Variants in ZNF75D observed in about 807,000 individuals in gnomAD.
ZNF75D encodes the protein zinc finger protein 75D, also known as zinc finger protein 75.
Under a neutral mutation model 33.3 loss-of-function variants are expected in ZNF75D, and 33 were observed. The ratio of observed to expected loss-of-function variants is 0.99; its 90% CI spans 0.75 to 1.32. The LOEUF (loss-of-function observed/expected upper bound fraction) is 1.32. Ranked by LOEUF, ZNF75D falls within the 40% of genes most tolerant of loss-of-function variation. The pLI, the probability that ZNF75D is intolerant of heterozygous loss-of-function variation, is 0.00. For synonymous variants in ZNF75D, 113 were observed against 130.6 expected, an observed-to-expected ratio of 0.87 and a Z score of 0.92; for missense variants, 338 against 367.5, an observed-to-expected ratio of 0.92 and a Z score of 0.66.
In ZNF75D at chrX:135,343,884, G is replaced by C. The variant is rs1206110138; in HGVS notation, c.-2507C>G. The C allele has an allele frequency of 8.9e-6, 1 of 111,957 alleles. No homozygotes were observed. Among genetic ancestry groups the C allele is most frequent in the Non-Finnish European group, 1.9e-5 (1 of 53,210 alleles). The allele number at this position is 111,957 out of a possible 1,213,427, so 9.2% of individuals were successfully genotyped here. A position where few individuals can be genotyped will look rare whatever the true frequency, so the allele number is the denominator to read the frequency against. ...GCCTCACTGGGCTTGGGACGCTGCA[G>C]CTCCTGTCCCCGTTTCGCTTCTACC... On this transcript the variant is annotated 5_prime_UTR_variant, in exon 1 of 7. Transcript: ENST00000370766.
downstream of ZNF75D, among the ~76,000 whole-genome samples, chrX:135,281,252 A>G (rs1383827215): frequency 1.6e-4 from 17 of 108,491 alleles, no homozygotes; most frequent in African/African-American, 5.7e-4. Context: ...AATCTCTGAT[A>G]TCCTTTCTTC....
intron 1 of ZNF75D, among the ~76,000 whole-genome samples, chrX:135,326,819 G>A (rs1556438083): frequency 2.7e-5 from 3 of 110,755 alleles, no homozygotes; most frequent in Admixed American, 9.5e-5. Flanking sequence ...CTGAGCCCGC[G>A]AGACCACGAA....
chrX:135,285,686 T>C, downstream of ZNF75D: 1 of 112,194 alleles, frequency 8.9e-6, no homozygotes, highest in South Asian at 3.8e-4. Context: ...GTAGGAATTA[T>C]AATCCTCATT....
chrX:135,287,454 A>C lies in ZNF75D; in HGVS notation c.1216T>G (p.Ser406Ala). 1 of 1,211,231 alleles carries C rather than the reference A, an allele frequency of 8.3e-7. No homozygotes were observed. Among genetic ancestry groups the C allele is most frequent in the South Asian group, 1.8e-5 (1 of 56,866 alleles). ...QQCDRRFRWS[S>A]DLNKHFMTHQ... Reference sequence around the variant, plus strand: ...GTCATGAAGTGCTTATTAAGATCTGAACTCCATCTAAACCTCCTGTCACAT... The same window carrying C: ...GTCATGAAGTGCTTATTAAGATCTGCACTCCATCTAAACCTCCTGTCACAT... The change falls in exon 7 of 7, where the codon TCA (serine) becomes GCA (alanine). Residue 406 changes from serine to alanine, a missense_variant. Coordinates refer to ENST00000370766, the MANE Select transcript of ZNF75D (RefSeq NM_007131.5).
At chrX:135,276,507 T>C (rs2083899711) in intron 1 of ZNF75D, among the ~76,000 whole-genome samples, 1 of 111,787 alleles carries the variant, frequency 8.9e-6, no homozygotes. Flanking sequence ...TTTTAAATTA[T>C]ACTTTAAGTT....
rs782540291 is a variant in ZNF75D at position 135,302,614 on chromosome X, A to G, written c.-390-6575T>C. On this transcript the variant is annotated intron_variant, in intron 1 of 6. Coordinates refer to ENST00000370766, the MANE Select transcript of ZNF75D (RefSeq NM_007131.5). ...CTTATTACCACAAAGAGTGCATTCA[A>G]TTAGCCTTGTGATCTCTATTTGAAC... Among the ~76,000 whole-genome samples the G allele has an allele frequency of 4.2e-4, 47 of 112,644 alleles. 2 individuals are homozygous for G. In the South Asian group the frequency reaches 0.017, roughly 40 times the overall value.
intron 1 of ZNF75D, among the ~76,000 whole-genome samples, chrX:135,265,264 A>C (rs1191143700): frequency 1.8e-5 from 2 of 111,463 alleles, no homozygotes; most frequent in African/African-American, 6.5e-5. Context: ...GGATGTAGAA[A>C]GAGAGACAGG....
chrX:135,266,304 T>C (rs888845639), intron 1 of ZNF75D, among the ~76,000 whole-genome samples: 1 of 111,854 alleles, frequency 8.9e-6, no homozygotes. Flanking sequence ...GTAAATTGGC[T>C]AAACTCTTCA....
intron 1 of ZNF75D, among the ~76,000 whole-genome samples, chrX:135,326,743 C>T (rs1602654590): frequency 9.0e-6 from 1 of 110,994 alleles, no homozygotes. Context: ...CCGGGAGGAA[C>T]GAACAACTCC....
At chrX:135,295,527 G>A (rs1462800188) in intron 2 of ZNF75D, among the ~76,000 whole-genome samples, 1 of 112,064 alleles carries the variant, frequency 8.9e-6, no homozygotes, top group African/African-American at 3.2e-5. Flanking sequence ...GCTTCCATAG[G>A]TAAGAAGTGG....
At chrX:135,331,890 T>G (rs1196685361) in intron 1 of ZNF75D, among the ~76,000 whole-genome samples, 2 of 111,828 alleles carry the variant, frequency 1.8e-5, no homozygotes, top group African/African-American at 3.3e-5. Context: ...CTGTCCCTGC[T>G]CTGATTCAAT....
At chrX:135,262,479 G>A (rs943573436) in intron 1 of ZNF75D, among the ~76,000 whole-genome samples, 1 of 111,959 alleles carries the variant, frequency 8.9e-6, no homozygotes, top group Admixed American at 9.4e-5. Flanking sequence ...TTTCTTGGAG[G>A]CTTTGTTTGT....
intron 1 of ZNF75D, among the ~76,000 whole-genome samples, chrX:135,277,475 G>A (rs1466403753): frequency 3.6e-5 from 4 of 112,329 alleles, no homozygotes; most frequent in Non-Finnish European, 7.5e-5. Flanking sequence ...TTGCTGTGCA[G>A]AAGCTCTTTA....
intron 1 of ZNF75D, chrX:135,297,632 A>C (rs1279576601): frequency 3.5e-5 from 4 of 113,585 alleles, no homozygotes; most frequent in Non-Finnish European, 7.5e-5. Context: ...AGGTGGAAGC[A>C]ACTTAAAGAG....
chrX:135,334,725 C>T (rs1394500582), intron 1 of ZNF75D, among the ~76,000 whole-genome samples: 2 of 111,490 alleles, frequency 1.8e-5, no homozygotes, highest in South Asian at 3.8e-4. Context: ...GTGCTCTAGG[C>T]GATGATCATA....
At chrX:135,321,473 A>T (rs193141769) in intron 1 of ZNF75D, among the ~76,000 whole-genome samples, 23 of 112,499 alleles carry the variant, frequency 2.0e-4, no homozygotes, top group Non-Finnish European at 3.6e-4. Flanking sequence ...GCAGGAGTGA[A>T]GTCCCCATAA....
At position 135,287,287 on chromosome X, in the gene ZNF75D, G is replaced by A. The variant is rs782622883; in HGVS notation, c.1383C>T (p.Asn461=). 7 of 1,211,996 alleles carry A rather than the reference G, an allele frequency of 5.8e-6. No individual in the cohort carries two copies. The highest frequency in any genetic ancestry group is 5.6e-6 in the Non-Finnish European group (5 of 895,474). Residue 461 remains asparagine, a synonymous_variant, in exon 7 of 7, where the codon AAC becomes AAT. Coordinates refer to ENST00000370766, the MANE Select transcript of ZNF75D (RefSeq NM_007131.5). ...TTCTCTGGTGTTTAATAAGGTGGGA[G>A]TTCTGAATGAATCTTTTTCCACATT... ...CDECGKRFIQ[N]SHLIKHQRTH... is the part of the protein sequence containing the mutation.
chrX:135,331,318 C>T (rs1556440461), intron 1 of ZNF75D, among the ~76,000 whole-genome samples: 1 of 110,853 alleles, frequency 9.0e-6, no homozygotes, highest in African/African-American at 3.3e-5. Context: ...TCTGTTTAGG[C>T]CACAGCCAAT....
At chrX:135,265,326 G>A (rs782082877) in intron 1 of ZNF75D, among the ~76,000 whole-genome samples, 5 of 111,297 alleles carry the variant, frequency 4.5e-5, no homozygotes, top group Non-Finnish European at 7.5e-5. Context: ...CAAAGGTAGA[G>A]AAGAATGTCA....
Sources: allele counts gnomAD v4.1 joint callset (sites outside exome capture counted in the v4.1 genomes callset), GRCh38; gene constraint gnomAD v4.1.1; transcripts MANE v1.5; gene names NCBI Gene and HGNC (gene_info 2026-07-23, HGNC 2026-07-21).